Variants in PHF11 observed in about 807,000 individuals in gnomAD.
The protein encoded by PHF11 is PHD finger protein 11.
Under a neutral mutation model 40.5 loss-of-function variants are expected in PHF11, and 38 were observed. The ratio of observed to expected loss-of-function variants is 0.94; its 90% confidence interval spans 0.72 to 1.23. The LOEUF (loss-of-function observed/expected upper bound fraction) is 1.23. PHF11 is among the 50% of genes most tolerant of loss of function. The probability of loss-of-function intolerance (pLI) is 0.00; values close to 1 mark genes in which losing one functional copy is unlikely to be tolerated. For missense variants in PHF11, 369 were observed against 392.4 expected, an observed-to-expected ratio of 0.94 and a Z score of 0.50; for synonymous variants, 127 against 138.2, an observed-to-expected ratio of 0.92 and a Z score of 0.57.
chr13:49,513,413 C>T (rs935787200), intron 3 of PHF11, among the ~76,000 whole-genome samples: 6 of 151,028 alleles, frequency 4.0e-5, no homozygotes, highest in African/African-American at 1.2e-4. Context: ...TCACTGCAAC[C>T]TCCGCCTCCT....
rs1469403982 is a variant in PHF11, at chr13:49,524,080, C to A, written c.638-5C>A. The A allele has an allele frequency of 2.5e-6, 4 of 1,602,848 alleles. No individual in the cohort carries two copies. In the Admixed American group the frequency reaches 5.2e-5, roughly 21 times the overall value. ...TTCCTTCTCAAATGTTTGTCTTATT[C>A]TTAGATGCAACTGTGAAAGTTCCTT... On this transcript the variant is annotated splice_polypyrimidine_tract_variant and splice_region_variant and intron_variant, in intron 7 of 9. Transcript: ENST00000378319.
intron 2 of PHF11, among the ~76,000 whole-genome samples, chr13:49,509,957 ATAC>A: frequency 6.6e-6 from 1 of 152,322 alleles, no homozygotes; most frequent in Middle Eastern, 3.4e-3. Context: ...AAATTTTGTT[ATAC>A]TACTACCGTC....
intron 1 of PHF11, among the ~76,000 whole-genome samples, chr13:49,501,000 G>GTGTTTT (rs1958892159): frequency 1.9e-5 from 1 of 51,310 alleles, no homozygotes; most frequent in African/African-American, 9.1e-5. Context: ...ACCAACTTTT[G>GTGTTTT]TTTTTTTTTT....
At chr13:49,524,804 G>T (rs1423192687) in intron 8 of PHF11, among the ~76,000 whole-genome samples, 1 of 151,960 alleles carries the variant, frequency 6.6e-6, no homozygotes, top group Non-Finnish European at 1.5e-5. Flanking sequence ...TAAAATAATT[G>T]GACCAGATCT....
chr13:49,524,878 A>C (rs141681917), intron 8 of PHF11, among the ~76,000 whole-genome samples: 2 of 152,140 alleles, frequency 1.3e-5, no homozygotes, highest in Non-Finnish European at 2.9e-5. Context: ...GTCAAAAGTA[A>C]CCTCATGCCC....
At chr13:49,525,240 A>G (rs1686588226) in intron 8 of PHF11, among the ~76,000 whole-genome samples, 1 of 152,106 alleles carries the variant, frequency 6.6e-6, no homozygotes, top group Non-Finnish European at 1.5e-5. Context: ...GTATATAGCT[A>G]CTTAGCTTTT....
intron 1 of PHF11, 94 bp downstream of exon 1, chr13:49,496,189 G>A: frequency 1.3e-6 from 1 of 773,796 alleles, no homozygotes; most frequent in South Asian, 4.9e-5. Context: ...CCGCATGGGG[G>A]CCCGACCTGC....
intron 1 of PHF11, among the ~76,000 whole-genome samples, chr13:49,499,898 C>T (rs138579050): frequency 1.8e-4 from 28 of 152,258 alleles, no homozygotes; most frequent in African/African-American, 6.5e-4. Context: ...ACTGTTTCAC[C>T]CATTTCTTTA....
At position 49,523,222 on chromosome 13, in the gene PHF11, A is replaced by C; in HGVS notation, c.618A>C (p.Glu206Asp). The C allele has an allele frequency of 1.2e-6, 2 of 1,611,420 alleles. No homozygotes were observed. The highest frequency in any genetic ancestry group is 1.7e-6 in the Non-Finnish European group (2 of 1,177,436). Residue 206 changes from glutamate to aspartate, a missense_variant, in exon 7 of 10, where the codon GAA becomes GAC. By Grantham distance (45) the Glu-to-Asp change is conservative (BLOSUM62 2). Transcript: ENST00000378319. ...ATACATTCATAAGACAAGTGAAAGA[A>C]GAGCATGGCAGACACACAGGTTTGC... ...KCNTFIRQVKEEHGRHTDATV... is the reference protein window; with the variant it reads ...KCNTFIRQVKDEHGRHTDATV...
intron 6 of PHF11, 35 bp from the exon 7 acceptor site, chr13:49,523,140 A>C (rs956197011): frequency 1.5e-6 from 2 of 1,353,288 alleles, no homozygotes; most frequent in African/African-American, 2.9e-5. Flanking sequence ...GCAATATTAA[A>C]ATCAATGTAA....
chr13:49,496,572 C>A, intron 1 of PHF11: 1 of 438,380 alleles, frequency 2.3e-6, no homozygotes, highest in Non-Finnish European at 3.0e-6. Flanking sequence ...CCAGTCGTTC[C>A]AGTCCTCCCC....
Position 49,513,154 on chromosome 13 carries a change from A to T in PHF11, c.312A>T (p.Arg104Ser), listed in dbSNP as rs912867613. The change falls in exon 3 of 10, where the codon AGA (arginine) becomes AGT (serine). Residue 104 changes from arginine (R) to serine (S), a missense_variant. By Grantham distance (110) the Arg-to-Ser change is moderately radical. Coordinates refer to ENST00000378319, the MANE Select transcript of PHF11 (RefSeq NM_001040443.3). ...AATCAGTAAAGAAAGAAATCCAGAG[A>T]GGAAGGAAGTTGGTAAGTGTAAATG... ...DVESVKKEIQRGRKLKCKFCH... is the reference protein window; with the variant it reads ...DVESVKKEIQSGRKLKCKFCH... The T allele has an allele frequency of 7.2e-6, 11 of 1,525,434 alleles. No homozygotes were observed. Among genetic ancestry groups the T allele is most frequent in the Non-Finnish European group, 1.0e-5 (11 of 1,099,480 alleles). 94.5% of individuals were successfully genotyped at this position (1,525,434 alleles called of 1,614,324 possible). A position where few individuals can be genotyped will look rare whatever the true frequency, so the allele number is the denominator to read the frequency against.
At chr13:49,520,991 A>G (rs3765526) in intron 5 of PHF11, 51 bp downstream of exon 5, 763,647 of 1,500,974 alleles carry the variant, frequency 0.51, 199,620 homozygotes, top group Non-Finnish European at 0.54. Context: ...GTAAACATTT[A>G]TGTAACATAA....
chr13:49,522,217 C>G, intron 6 of PHF11, 110 bp downstream of exon 6: 1 of 578,202 alleles, frequency 1.7e-6, no homozygotes, highest in Non-Finnish European at 3.1e-6. Context: ...AACAGAGAGC[C>G]TTTGAAGAAC....
Position 49,528,858 on chromosome 13 carries a change from C to T in PHF11, c.*193C>T, listed in dbSNP as rs1959428196. On this transcript the variant is annotated 3_prime_UTR_variant, in exon 10 of 10. Coordinates refer to ENST00000378319, the MANE Select transcript of PHF11 (RefSeq NM_001040443.3). Reference sequence around the variant, plus strand: ...TGTGTTTTTTGCTCACTGTCACATTCCCAGCACCTAGTATGCTCAGTAAAT... The same window carrying T: ...TGTGTTTTTTGCTCACTGTCACATTTCCAGCACCTAGTATGCTCAGTAAAT... 5 of 503,204 alleles carry T rather than the reference C, an allele frequency of 9.9e-6. No homozygotes were observed. The highest frequency in any genetic ancestry group is 1.7e-5 in the Non-Finnish European group (5 of 286,154). 31.2% of individuals were successfully genotyped at this position (503,204 alleles called of 1,614,324 possible). A position where few individuals can be genotyped will look rare whatever the true frequency, so the allele number is the denominator to read the frequency against.
chr13:49,527,478 C>A (rs531680300), intron 9 of PHF11: 11 of 152,188 alleles, frequency 7.2e-5, no homozygotes, highest in Non-Finnish European at 1.0e-4. Context: ...ACATACACAA[C>A]CTTTCTCATT....
chr13:49,522,774 T>G (rs948403307), intron 6 of PHF11, among the ~76,000 whole-genome samples: 1 of 148,916 alleles, frequency 6.7e-6, no homozygotes, highest in Admixed American at 6.7e-5. Flanking sequence ...TTTGTTTTTT[T>G]TTTTTTTTGA....
At chr13:49,496,827 A>AC (rs1958818781) in intron 1 of PHF11, among the ~76,000 whole-genome samples, 2 of 84,254 alleles carry the variant, frequency 2.4e-5, no homozygotes, top group Admixed American at 1.5e-4. Flanking sequence ...GGCTGGGCTT[A>AC]CCCTTTTTTT....
In PHF11 at chr13:49,521,233, T is replaced by C. The variant is rs899530963; in HGVS notation, c.505+293T>C. 2.8e-6 allele frequency: 3 copies of C among 1,066,540 alleles called. No homozygotes were observed. The African/African-American group carries it at 5.0e-5, about 18-fold the overall frequency. The allele number at this position is 1,066,540 out of a possible 1,614,324, so 66.1% of individuals were successfully genotyped here. ...GGGAAAAAGCCTTGACTTTTGGGAC[T>C]GCTTCTCTTCCATAAGAATTTTCAG... On this transcript the variant is annotated intron_variant, in intron 5 of 9. Coordinates refer to ENST00000378319, the MANE Select transcript of PHF11 (RefSeq NM_001040443.3).
Sources: gnomAD v4.1 joint callset for allele counts (sites outside exome capture counted in the v4.1 genomes callset) on GRCh38, gnomAD v4.1.1 for gene constraint, MANE v1.5 for transcripts, NCBI Gene and HGNC (gene_info 2026-07-23, HGNC 2026-07-21) for gene names.